The following DPP10 variants were observed in gnomAD, a reference collection of about 807,000 sequenced individuals.
The protein encoded by DPP10 is dipeptidyl peptidase like 10.
DPP10 carries 33 observed loss-of-function variants against 120.9 expected under a neutral mutation model. That is an observed-to-expected ratio of 0.27 (90% CI 0.21 to 0.37). The LOEUF (loss-of-function observed/expected upper bound fraction) is 0.37. DPP10 is among the 10% of genes least tolerant of loss of function. The pLI is 1.00. For synonymous variants in DPP10, 337 were observed against 326.1 expected, an observed-to-expected ratio of 1.03 and a Z score of -0.36; for missense variants, 816 against 942.8, an observed-to-expected ratio of 0.87 and a Z score of 1.76.
At position 115,815,766 on chromosome 2, in the gene DPP10, G is replaced by A. The variant is rs146280539; in HGVS notation, c.1950+37G>A. The A allele has an allele frequency of 1.9e-4, 300 of 1,555,736 alleles. 2 individuals carry two copies. The African/African-American group carries it at 2.1e-3, about 11-fold the overall frequency. On this transcript the variant is annotated intron_variant, in intron 21 of 25. Coordinates refer to ENST00000410059, the MANE Select transcript of DPP10 (RefSeq NM_020868.6). The stretch of plus-strand genomic sequence containing the variant: ...AAATGCTGAATCTATCTTTTTATGC[G>A]TATCTATGTTATGTAATATCCTATT...
intron 4 of DPP10, among the ~76,000 whole-genome samples, chr2:115,501,904 G>T (rs1373703919): frequency 6.6e-6 from 1 of 151,832 alleles, no homozygotes; most frequent in Non-Finnish European, 1.5e-5. Flanking sequence ...CATATTGCTG[G>T]TTTTTCTGTG....
chr2:114,558,142 C>A (rs762052125), intron 1 of DPP10, among the ~76,000 whole-genome samples: 11 of 152,180 alleles, frequency 7.2e-5, no homozygotes, highest in Non-Finnish European at 1.2e-4. Context: ...TATTTACTGA[C>A]CTCCAGAAGT....
intron 1 of DPP10, among the ~76,000 whole-genome samples, chr2:115,241,276 A>ATAAG (rs1246140337): frequency 1.3e-5 from 2 of 152,118 alleles, no homozygotes; most frequent in African/African-American, 4.8e-5. Context: ...CTCAAAATAA[A>ATAAG]TAAATAAATA....
chr2:115,580,484 ATAT>A (rs2081947803), intron 5 of DPP10, among the ~76,000 whole-genome samples: 1 of 134,470 alleles, frequency 7.4e-6, no homozygotes, highest in South Asian at 2.6e-4. Context: ...CAATATTATA[ATAT>A]TATAATAATC....
chr2:115,334,915 CTT>C (rs376587549), intron 2 of DPP10, among the ~76,000 whole-genome samples: 9 of 142,998 alleles, frequency 6.3e-5, no homozygotes, highest in African/African-American at 7.6e-5. Flanking sequence ...CAGGATATAT[CTT>C]TTTTTTTTTT....
At chr2:115,811,500 C>A (rs1297866206) in intron 19 of DPP10, among the ~76,000 whole-genome samples, 2 of 152,208 alleles carry the variant, frequency 1.3e-5, no homozygotes, top group African/African-American at 4.8e-5. Context: ...AAATAATTTA[C>A]TTGCCTGCCA....
At chr2:114,638,687 T>C (rs1187119648) in intron 1 of DPP10, among the ~76,000 whole-genome samples, 1 of 151,902 alleles carries the variant, frequency 6.6e-6, no homozygotes, top group Non-Finnish European at 1.5e-5. Flanking sequence ...GAATGTAAAT[T>C]AGTTCAGCCA....
intron 1 of DPP10, among the ~76,000 whole-genome samples, chr2:114,796,676 G>T (rs1683745320): frequency 6.6e-6 from 1 of 152,098 alleles, no homozygotes; most frequent in Non-Finnish European, 1.5e-5. Context: ...TACATATTTT[G>T]TATACTTACC....
At chr2:115,424,131 G>GA (rs940668040) in intron 3 of DPP10, among the ~76,000 whole-genome samples, 7 of 152,034 alleles carry the variant, frequency 4.6e-5, no homozygotes, top group Non-Finnish European at 8.8e-5. Context: ...ATTATGACAA[G>GA]AAATACCCCT....
intron 1 of DPP10, among the ~76,000 whole-genome samples, chr2:114,651,121 C>T (rs1165214207): frequency 6.6e-6 from 1 of 152,104 alleles, no homozygotes; most frequent in Non-Finnish European, 1.5e-5. Flanking sequence ...ATGGTTGTGT[C>T]ACTTGCATAC....
In DPP10 at chr2:115,768,412, C is replaced by G. The variant is rs1681059329; in HGVS notation, c.1221+8C>G. 1.2e-6 allele frequency: 2 copies of G among 1,609,090 alleles called. No homozygotes were observed. Among genetic ancestry groups the G allele is most frequent in the East Asian group, 2.2e-5 (1 of 44,802 alleles). ...GCTATGTTCCTCATCCAGGTAAGTG[C>G]TGGCTTTTTTCCATGTTTTGATTTC... On this transcript the variant is annotated splice_region_variant and intron_variant, in intron 13 of 25. Coordinates refer to ENST00000410059, the MANE Select transcript of DPP10 (RefSeq NM_020868.6).
intron 1 of DPP10, among the ~76,000 whole-genome samples, chr2:114,984,886 C>T (rs1313598918): frequency 6.6e-6 from 1 of 152,088 alleles, no homozygotes; most frequent in East Asian, 1.9e-4. Context: ...CAGCCTTGGC[C>T]CCAGCTATGT....
At chr2:115,825,936 G>C (rs1029974370) in intron 21 of DPP10, among the ~76,000 whole-genome samples, 3 of 152,154 alleles carry the variant, frequency 2.0e-5, no homozygotes, top group African/African-American at 7.2e-5. Flanking sequence ...AAGAACTAAA[G>C]AAAGAAGTAA....
intron 5 of DPP10, among the ~76,000 whole-genome samples, chr2:115,548,196 A>G (rs1482144781): frequency 1.3e-5 from 2 of 152,166 alleles, no homozygotes; most frequent in Non-Finnish European, 2.9e-5. Context: ...TTATGGTTAC[A>G]TAATCACTGT....
chr2:115,614,806 CCTT>C (rs1279903200), intron 5 of DPP10, among the ~76,000 whole-genome samples: 3 of 152,092 alleles, frequency 2.0e-5, no homozygotes, highest in South Asian at 4.1e-4. Context: ...AAAACAGAAA[CCTT>C]CTTTTTGAGG....
chr2:114,958,407 A>G (rs1250822303), intron 1 of DPP10, among the ~76,000 whole-genome samples: 2 of 152,182 alleles, frequency 1.3e-5, no homozygotes, highest in African/African-American at 2.4e-5. Flanking sequence ...TATTTAGCTC[A>G]CTTTAACGGG....
At chr2:115,185,170 A>G (rs1251634517) in intron 1 of DPP10, among the ~76,000 whole-genome samples, 1 of 152,112 alleles carries the variant, frequency 6.6e-6, no homozygotes. Context: ...TAAATATTCC[A>G]TGCTTAAAAC....
At chr2:115,509,923 C>T (rs1184494334) in intron 4 of DPP10, among the ~76,000 whole-genome samples, 4 of 152,086 alleles carry the variant, frequency 2.6e-5, no homozygotes. Context: ...AATATCTTGC[C>T]ATGGCATTTA....
intron 3 of DPP10, among the ~76,000 whole-genome samples, chr2:115,412,245 A>C (rs2069007266): frequency 6.6e-6 from 1 of 152,192 alleles, no homozygotes; most frequent in Admixed American, 6.5e-5. Flanking sequence ...ACATTTAATT[A>C]ACTGTCTATA....
Sources: allele counts gnomAD v4.1 joint callset (sites outside exome capture counted in the v4.1 genomes callset), GRCh38; gene constraint gnomAD v4.1.1; transcripts MANE v1.5; gene names NCBI Gene and HGNC (gene_info 2026-07-23, HGNC 2026-07-21).